Variants in NARF observed in about 807,000 individuals in gnomAD.
NARF encodes iron-only hydrogenase-like protein 2.
NARF carries 41 observed loss-of-function variants against 48.0 expected under a neutral mutation model. The ratio of observed to expected loss-of-function variants is 0.85; its 90% CI spans 0.66 to 1.11. The LOEUF is 1.11. Among genes scored for constraint, NARF ranks in the 50% least tolerant of loss-of-function variants. The pLI is 0.00. For missense variants in NARF, 613 were observed against 590.2 expected (o/e 1.04, Z -0.40); for synonymous variants, 215 against 225.5 (o/e 0.95, Z 0.42).
At chr17:82,458,968 C>G in intron 1 of NARF, 138 bp downstream of exon 1, 1 of 1,219,504 alleles carries the variant, frequency 8.2e-7, no homozygotes, top group Non-Finnish European at 1.0e-6. Context: ...CACCCTGGGC[C>G]CGCTCGGCGT....
In NARF at chr17:82,464,318, A is replaced by G; in HGVS notation, c.140A>G (p.Lys47Arg). Reference sequence around the variant, plus strand: ...GAATTCCACAAGTTGGCTGATGCCAAGATATTTTTGAGCGACTGCCTGGCA... The same window carrying G: ...GAATTCCACAAGTTGGCTGATGCCAGGATATTTTTGAGCGACTGCCTGGCA... The part of the protein sequence containing the change: ...KGEFHKLADA[K>R]IFLSDCLACD... Residue 47 changes from lysine (K) to arginine (R), a missense_variant, in exon 3 of 11, where the codon AAG becomes AGG. Transcript: ENST00000309794. 1 of 1,613,788 alleles carries G rather than the reference A, an allele frequency of 6.2e-7. No homozygotes were observed. The highest frequency in any genetic ancestry group is 8.5e-7 in the Non-Finnish European group (1 of 1,179,856).
chr17:82,473,461 G>A (rs1020035763), intron 5 of NARF, among the ~76,000 whole-genome samples: 12 of 151,810 alleles, frequency 7.9e-5, no homozygotes, highest in African/African-American at 2.9e-4. Flanking sequence ...AGTGCATCCT[G>A]CCTCACCCTC....
At chr17:82,458,734 C>T (rs2043347119), upstream of NARF, 1 of 1,455,694 alleles carries the variant, frequency 6.9e-7, no homozygotes, top group South Asian at 1.4e-5. Flanking sequence ...GGGCGGCGGG[C>T]AGTGGTGTCC....
upstream of NARF, chr17:82,458,723 C>T (rs964897182): frequency 2.1e-6 from 3 of 1,429,870 alleles, no homozygotes; most frequent in African/African-American, 1.5e-5. Context: ...CAAAGGGCCG[C>T]GGGCGGCGGG....
intron 2 of NARF, chr17:82,462,738 TAAG>T (rs1378252875): frequency 6.6e-6 from 1 of 152,334 alleles, no homozygotes; most frequent in African/African-American, 2.4e-5. Flanking sequence ...GCAGGAGGAA[TAAG>T]AAGAAAGAAT....
At chr17:82,469,554 G>C (rs2043649140) in intron 4 of NARF, among the ~76,000 whole-genome samples, 1 of 152,108 alleles carries the variant, frequency 6.6e-6, no homozygotes, top group Admixed American at 6.6e-5. Flanking sequence ...AGTTCAGAAA[G>C]GGAAAATGAG....
At chr17:82,464,212 G>C in intron 2 of NARF, 75 bp from the exon 3 acceptor site, 2 of 1,535,542 alleles carry the variant, frequency 1.3e-6, no homozygotes, top group Middle Eastern at 1.7e-4. Context: ...TTCTGTATAT[G>C]GGTGTTACCC....
chr17:82,463,446 T>A (rs1451709357), intron 2 of NARF: 1 of 151,216 alleles, frequency 6.6e-6, no homozygotes, highest in East Asian at 2.0e-4. Context: ...GGTGAGGGGG[T>A]GGTGCTGTTT....
intron 5 of NARF, among the ~76,000 whole-genome samples, chr17:82,474,862 G>A (rs1268367146): frequency 5.9e-5 from 9 of 152,144 alleles, no homozygotes; most frequent in Non-Finnish European, 1.2e-4. Flanking sequence ...CTCCAGATGG[G>A]GACAGGGATG....
chr17:82,458,726 GC>G, upstream of NARF: 1 of 1,437,054 alleles, frequency 7.0e-7, no homozygotes. Flanking sequence ...AGGGCCGCGG[GC>G]GGCGGGCAGT....
rs774531976 is a variant in NARF at position 82,464,245 on chromosome 17, A to G, written c.109-42A>G. ...CCCTCTCTAAAGAAGCACATTAAAG[A>G]GTATTTGTTGAATAATCATGCTGAA... On this transcript the variant is annotated intron_variant, in intron 2 of 10. Transcript: ENST00000309794. The G allele has an allele frequency of 6.3e-6, 10 of 1,599,110 alleles. No homozygotes were observed. The African/African-American group carries it at 1.1e-4, about 17-fold the overall frequency.
At chr17:82,464,498 T>C (rs553381195) in intron 3 of NARF, 68 bp downstream of exon 3, 163 of 1,536,462 alleles carry the variant, frequency 1.1e-4, no homozygotes, top group Non-Finnish European at 1.4e-4. Context: ...GAGGCCTGGC[T>C]TCCTGCACAG....
chr17:82,485,947 C>T (rs1339664036), intron 10 of NARF, among the ~76,000 whole-genome samples: 1 of 152,186 alleles, frequency 6.6e-6, no homozygotes, highest in Non-Finnish European at 1.5e-5. Flanking sequence ...GCTTAGAGAA[C>T]AAATCACAAG....
At chr17:82,487,445 C>G (rs1392529152) in intron 10 of NARF, among the ~76,000 whole-genome samples, 3 of 147,480 alleles carry the variant, frequency 2.0e-5, no homozygotes, top group Admixed American at 1.4e-4. Flanking sequence ...GATTAGGCCA[C>G]TGCACTCCAG....
chr17:82,487,742 G>A (rs2044127985), intron 10 of NARF, among the ~76,000 whole-genome samples, 174 bp from the exon 11 acceptor site: 1 of 152,186 alleles, frequency 6.6e-6, no homozygotes. Flanking sequence ...GAAGCCAGGA[G>A]TTCAAGACCA....
At position 82,484,842 on chromosome 17, in the gene NARF, C is replaced by T. The variant is rs374255140; in HGVS notation, c.863C>T (p.Thr288Met). ...GGAGACTTGAAGGAGGACAAAGTGACGCGTCATGATGGAGCCAGCTCAGAC... is the reference window on the plus strand; with the variant it reads ...GGAGACTTGAAGGAGGACAAAGTGATGCGTCATGATGGAGCCAGCTCAGAC... ...LFGDLKEDKV[T>M]RHDGASSDGH... Residue 288 changes from threonine (T) to methionine (M), a missense_variant, in exon 9 of 11, where the codon ACG becomes ATG. Thr to Met is a moderately conservative substitution (Grantham distance 81). Transcript: ENST00000309794. The T allele has an allele frequency of 1.6e-5, 26 of 1,608,394 alleles. No individual in the cohort carries two copies. Among genetic ancestry groups the T allele is most frequent in the African/African-American group, 9.4e-5 (7 of 74,614 alleles).
At chr17:82,478,503 T>C in intron 5 of NARF, 1 of 485,442 alleles carries the variant, frequency 2.1e-6, no homozygotes, top group Non-Finnish European at 4.1e-6. Context: ...TGCCTTTCAG[T>C]GCTTGTTCCC....
chr17:82,480,328 G>A (rs866041614), intron 6 of NARF: 1 of 400,106 alleles, frequency 2.5e-6, no homozygotes. Context: ...CAGGCCTCCT[G>A]CAATGGCTCC....
intron 3 of NARF, among the ~76,000 whole-genome samples, chr17:82,468,008 G>T (rs1321080510): frequency 6.6e-6 from 1 of 151,974 alleles, no homozygotes; most frequent in Admixed American, 6.6e-5. Flanking sequence ...CTGTAGTCTT[G>T]TCTCTTTTAA....
Sources: allele counts gnomAD v4.1 joint callset (sites outside exome capture counted in the v4.1 genomes callset), GRCh38; gene constraint gnomAD v4.1.1; transcripts MANE v1.5; gene names NCBI Gene and HGNC (gene_info 2026-07-23, HGNC 2026-07-21).